Variants in CPQ observed in about 807,000 individuals in gnomAD.
CPQ encodes Ser-Met dipeptidase.
In CPQ, 37 loss-of-function variants were observed where a neutral mutation model predicts 45.7. The ratio of observed to expected loss-of-function variants is 0.81; its 90% CI spans 0.62 to 1.07. The LOEUF is 1.07. CPQ is among the 50% of genes least tolerant of loss of function. The pLI, the probability that CPQ is intolerant of heterozygous loss-of-function variation, is 0.00. For missense variants in CPQ, 537 were observed against 572.9 expected, an observed-to-expected ratio of 0.94 and a Z score of 0.64; for synonymous variants, 186 against 205.8, an observed-to-expected ratio of 0.90 and a Z score of 0.82.
intron 4 of CPQ, among the ~76,000 whole-genome samples, chr8:96,942,646 A>G (rs1586460684): frequency 6.6e-6 from 1 of 152,186 alleles, no homozygotes; most frequent in South Asian, 2.1e-4. Flanking sequence ...CTGGAAATAT[A>G]CCATCCATTA....
intron 6 of CPQ, among the ~76,000 whole-genome samples, chr8:97,061,251 C>T (rs752345710): frequency 1.1e-4 from 17 of 151,912 alleles, no homozygotes; most frequent in Non-Finnish European, 1.5e-5. Context: ...AATTGTGGAG[C>T]AAGAGATTTT....
intron 4 of CPQ, among the ~76,000 whole-genome samples, chr8:96,906,726 T>C (rs1195848191): frequency 6.6e-6 from 1 of 152,084 alleles, no homozygotes; most frequent in East Asian, 1.9e-4. Flanking sequence ...GGCAGCTCTC[T>C]GGGGCCTCTT....
rs991565076 is a variant in CPQ, at chr8:96,887,512, A to G, written c.849+7507A>G. 5.3e-5 allele frequency among the ~76,000 whole-genome samples: 8 copies of G among 152,214 alleles called. No individual in the cohort carries two copies. The East Asian group carries it at 1.5e-3, about 29-fold the overall frequency. The stretch of plus-strand genomic sequence containing the variant: ...ATTTATGATGCTTTCATGATTTTCC[A>G]CAAACAGATGAACAAATAAACACAG... On this transcript the variant is annotated intron_variant, in intron 4 of 7. Coordinates refer to ENST00000220763, the MANE Select transcript of CPQ (RefSeq NM_016134.4).
intron 7 of CPQ, among the ~76,000 whole-genome samples, chr8:97,108,482 CT>C (rs775843511): frequency 6.6e-6 from 1 of 152,324 alleles, no homozygotes; most frequent in Middle Eastern, 3.4e-3. Flanking sequence ...TAACTCCTTT[CT>C]TCTCATAAAT....
chr8:96,731,313 T>C (rs1393043994), intron 1 of CPQ, among the ~76,000 whole-genome samples: 3 of 152,188 alleles, frequency 2.0e-5, no homozygotes. Context: ...TATGCTAGTG[T>C]ACTGTCAGTA....
intron 3 of CPQ, among the ~76,000 whole-genome samples, chr8:96,864,230 G>A (rs1165200720): frequency 6.6e-6 from 1 of 152,020 alleles, no homozygotes; most frequent in Non-Finnish European, 1.5e-5. Context: ...ACCCTGTCAA[G>A]CTGACCTAGG....
At position 96,820,774 on chromosome 8, in the gene CPQ, G is replaced by A. The variant is rs1018581507; in HGVS notation, c.434-14199G>A. 1.6e-4 allele frequency among the ~76,000 whole-genome samples: 24 copies of A among 152,112 alleles called. No individual in the cohort carries two copies. In the East Asian group the frequency reaches 4.7e-3, roughly 29 times the overall value. Reference sequence around the variant, plus strand: ...TTGTTAGCAGTGCTGAAATAAACACGGGAGTGCAGATATCTCTTTGATGTA... The same window carrying A: ...TTGTTAGCAGTGCTGAAATAAACACAGGAGTGCAGATATCTCTTTGATGTA... On this transcript the variant is annotated intron_variant, in intron 2 of 7. Transcript: ENST00000220763.
intron 5 of CPQ, among the ~76,000 whole-genome samples, chr8:97,021,028 T>A (rs1445430544): frequency 6.6e-6 from 1 of 152,110 alleles, no homozygotes; most frequent in Admixed American, 6.5e-5. Flanking sequence ...TCCACCATGA[T>A]CAAGTGGGTT....
chr8:97,089,110 G>A (rs1046936403), intron 7 of CPQ, among the ~76,000 whole-genome samples: 1 of 151,914 alleles, frequency 6.6e-6, no homozygotes, highest in African/African-American at 2.4e-5. Context: ...AGGTGTGGTG[G>A]CACACGCCTG....
intron 7 of CPQ, among the ~76,000 whole-genome samples, chr8:97,105,151 T>A (rs1194229228): frequency 6.6e-6 from 1 of 152,210 alleles, no homozygotes; most frequent in Non-Finnish European, 1.5e-5. Flanking sequence ...TTAACCTAAG[T>A]AATGGTCACG....
At chr8:97,045,704 G>A (rs1810242340) in intron 6 of CPQ, among the ~76,000 whole-genome samples, 1 of 152,198 alleles carries the variant, frequency 6.6e-6, no homozygotes, top group Non-Finnish European at 1.5e-5. Flanking sequence ...AAGATCATTA[G>A]GTCTTTGGGT....
At chr8:97,063,789 T>C (rs1810592301) in intron 6 of CPQ, among the ~76,000 whole-genome samples, 1 of 152,090 alleles carries the variant, frequency 6.6e-6, no homozygotes, top group Non-Finnish European at 1.5e-5. Context: ...GTGTTCAGCC[T>C]TATTTCTGGG....
intron 2 of CPQ, among the ~76,000 whole-genome samples, chr8:96,827,334 C>T (rs1253945408): frequency 6.6e-6 from 1 of 152,044 alleles, no homozygotes; most frequent in South Asian, 2.1e-4. Flanking sequence ...TTCCTCTGTA[C>T]TCTTGGCTGC....
chr8:97,069,909 A>C (rs1296043631), intron 7 of CPQ, among the ~76,000 whole-genome samples: 2 of 152,182 alleles, frequency 1.3e-5, no homozygotes, highest in African/African-American at 2.4e-5. Flanking sequence ...ATAGAATTAA[A>C]ATTCAACATT....
At chr8:96,712,826 C>T (rs1221636610) in intron 1 of CPQ, among the ~76,000 whole-genome samples, 1 of 151,906 alleles carries the variant, frequency 6.6e-6, no homozygotes, top group East Asian at 1.9e-4. Context: ...TGACATTTGG[C>T]CCCTTGTTAC....
intron 4 of CPQ, among the ~76,000 whole-genome samples, chr8:96,942,149 C>T (rs1813130778): frequency 6.6e-6 from 1 of 152,156 alleles, no homozygotes; most frequent in African/African-American, 2.4e-5. Flanking sequence ...GTTGGCAGAA[C>T]CTGAAATAGC....
At chr8:97,027,087 A>C (rs1354152585) in intron 5 of CPQ, among the ~76,000 whole-genome samples, 4 of 152,236 alleles carry the variant, frequency 2.6e-5, no homozygotes, top group African/African-American at 9.6e-5. Flanking sequence ...CCTATAAACA[A>C]TAATAGTACT....
intron 1 of CPQ, among the ~76,000 whole-genome samples, chr8:96,760,667 A>G (rs1290893420): frequency 6.6e-6 from 1 of 152,148 alleles, no homozygotes; most frequent in African/African-American, 2.4e-5. Flanking sequence ...ACCCAAAGAG[A>G]AGAAAAACTG....
intron 1 of CPQ, among the ~76,000 whole-genome samples, chr8:96,719,143 C>G (rs1809727745): frequency 6.6e-6 from 1 of 152,204 alleles, no homozygotes; most frequent in Non-Finnish European, 1.5e-5. Flanking sequence ...AGGGGTGGCA[C>G]TCATTGGGGA....
Sources: gnomAD v4.1 joint callset for allele counts (sites outside exome capture counted in the v4.1 genomes callset) on GRCh38, gnomAD v4.1.1 for gene constraint, MANE v1.5 for transcripts, NCBI Gene and HGNC (gene_info 2026-07-23, HGNC 2026-07-21) for gene names.